Variants in PCDH11X observed in about 807,000 individuals in gnomAD.
PCDH11X encodes the protein protocadherin 11 X-linked, also known as protocadherin-11 X-linked.
Under a neutral mutation model 53.3 loss-of-function variants are expected in PCDH11X, and 18 were observed. The observed-to-expected ratio is 0.34, with a 90% CI of 0.23 to 0.50. The LOEUF is 0.50. Among genes scored for constraint, PCDH11X ranks in the 20% least tolerant of loss-of-function variants. The pLI, the probability that PCDH11X is intolerant of heterozygous loss-of-function variation, is 0.98. For missense variants in PCDH11X, 570 were observed against 1,032.4 expected, an observed-to-expected ratio of 0.55 and a Z score of 6.14; for synonymous variants, 279 against 393.3, an observed-to-expected ratio of 0.71 and a Z score of 3.44.
rs1317748855 is a variant in PCDH11X, at chrX:92,460,636, G to A, written c.3344-7663G>A. The A allele has an allele frequency of 3.5e-6, 3 of 861,232 alleles. No individual in the cohort carries two copies. In the African/African-American group the frequency reaches 6.0e-5, roughly 17 times the overall value. The allele number at this position is 861,232 out of a possible 1,213,427, so 71.0% of individuals were successfully genotyped here. A position where few individuals can be genotyped will look rare whatever the true frequency, so the allele number is the denominator to read the frequency against. On this transcript the variant is annotated intron_variant, in intron 9 of 10. Transcript: ENST00000682573. ...CCAGCTTGGAGAACAACCCGAGGGA[G>A]GTGGAGGCCCGCTACTCCCTACAGA...
rs774392456 is a variant in PCDH11X at position 91,969,688 on chromosome X, T to C, written c.3033+90415T>C. On this transcript the variant is annotated intron_variant, in intron 6 of 10. Coordinates refer to ENST00000682573, the MANE Select transcript of PCDH11X (RefSeq NM_032968.5). ...TGGTATGCTCCTGTGTCCCAACTAC[T>C]CGGGAGCCTGAAGTGGAAGGATCAC... 2.6e-3 allele frequency among the ~76,000 whole-genome samples: 280 copies of C among 107,310 alleles called. 2 individuals are homozygous for C. The highest frequency in any genetic ancestry group is 9.0e-3 in the African/African-American group (264 of 29,287). The allele number at this position is 107,310 out of a possible 115,157, so 93.2% of individuals were successfully genotyped here. A position where few individuals can be genotyped will look rare whatever the true frequency, so the allele number is the denominator to read the frequency against.
At chrX:92,472,228 A>G (rs1411874695) in intron 10 of PCDH11X, among the ~76,000 whole-genome samples, 10 of 109,851 alleles carry the variant, frequency 9.1e-5, no homozygotes, top group Non-Finnish European at 1.5e-4. Flanking sequence ...GGAATTTTAT[A>G]GTTTTGGGTT....
chrX:91,877,851 A>T lies in PCDH11X; in HGVS notation c.1611A>T (p.Leu537Phe), dbSNP rs1939696671. 5 of 1,209,883 alleles carry T rather than the reference A, an allele frequency of 4.1e-6. No homozygotes were observed. Among genetic ancestry groups the T allele is most frequent in the Non-Finnish European group, 4.5e-6 (4 of 895,195 alleles). ...KLDREKEDKY[L>F]FTILAKDNGV... ...ATAGAGAAAAAGAGGATAAATATTT[A>T]TTCACAATTCTGGCAAAAGATAACG... The change falls in exon 6 of 11, where the codon TTA becomes TTT. Residue 537 changes from leucine (L) to phenylalanine (F), a missense_variant. Coordinates refer to ENST00000682573, the MANE Select transcript of PCDH11X (RefSeq NM_032968.5).
At chrX:91,995,882 C>T (rs1469935183) in intron 6 of PCDH11X, among the ~76,000 whole-genome samples, 1 of 103,139 alleles carries the variant, frequency 9.7e-6, no homozygotes, top group Non-Finnish European at 2.0e-5. Context: ...CCGAGTCTCG[C>T]TCTGTCATCC....
At chrX:92,108,625 T>C (rs2064436289) in intron 6 of PCDH11X, among the ~76,000 whole-genome samples, 1 of 112,045 alleles carries the variant, frequency 8.9e-6, no homozygotes, top group Admixed American at 9.5e-5. Context: ...ACTACATGGC[T>C]GGTTTTTGAT....
At chrX:92,491,755 T>C (rs1215392336) in intron 10 of PCDH11X, among the ~76,000 whole-genome samples, 1 of 111,419 alleles carries the variant, frequency 9.0e-6, no homozygotes, top group African/African-American at 3.3e-5. Context: ...TTACGCCTGA[T>C]AACCACTGTT....
intron 6 of PCDH11X, among the ~76,000 whole-genome samples, chrX:91,980,428 AT>A (rs1267215112): frequency 9.4e-6 from 1 of 106,081 alleles, no homozygotes; most frequent in Non-Finnish European, 1.9e-5. Flanking sequence ...TAGGGAAGTA[AT>A]TTCAGCAAGT....
chrX:92,187,812 C>G (rs1179884456), intron 6 of PCDH11X, among the ~76,000 whole-genome samples: 1 of 111,730 alleles, frequency 9.0e-6, no homozygotes, highest in Non-Finnish European at 1.9e-5. Flanking sequence ...TTGCTCTAAA[C>G]CTTGGCTAAT....
At chrX:92,147,471 G>T (rs2065286422) in intron 6 of PCDH11X, among the ~76,000 whole-genome samples, 1 of 111,898 alleles carries the variant, frequency 8.9e-6, no homozygotes, top group Non-Finnish European at 1.9e-5. Flanking sequence ...GCAAAAGTTG[G>T]CAGTACAGTG....
intron 6 of PCDH11X, among the ~76,000 whole-genome samples, chrX:92,105,542 G>C (rs752956211): frequency 1.4e-4 from 15 of 109,530 alleles, no homozygotes; most frequent in Admixed American, 2.0e-4. Flanking sequence ...GAGAGTCAGC[G>C]AAGGGAGATA....
chrX:91,861,714 T>G (rs374605202), intron 5 of PCDH11X, among the ~76,000 whole-genome samples: 1 of 112,082 alleles, frequency 8.9e-6, no homozygotes, highest in East Asian at 2.8e-4. Context: ...CCTGGTGGCA[T>G]AGGCTCACAA....
chrX:92,609,604 T>C, intron 10 of PCDH11X, among the ~76,000 whole-genome samples: 1 of 111,614 alleles, frequency 9.0e-6, no homozygotes, highest in Middle Eastern at 4.6e-3. Context: ...ATTTTCTTAT[T>C]GTTATTTTTT....
intron 6 of PCDH11X, chrX:92,114,001 A>T (rs2064579375): frequency 8.3e-7 from 1 of 1,207,914 alleles, no homozygotes; most frequent in African/African-American, 1.7e-5. Flanking sequence ...ACCCACGATG[A>T]TGTGGGGAGC....
chrX:92,130,556 A>G (rs746850619), intron 6 of PCDH11X, among the ~76,000 whole-genome samples: 166 of 108,042 alleles, frequency 1.5e-3, no homozygotes, highest in African/African-American at 5.4e-3. Flanking sequence ...AGGCTGAGGC[A>G]GGAGAATCGC....
chrX:92,415,351 T>G (rs2148607798), intron 9 of PCDH11X, among the ~76,000 whole-genome samples: 1 of 111,655 alleles, frequency 9.0e-6, no homozygotes, highest in East Asian at 2.8e-4. Context: ...TTAAAATAAC[T>G]TTCAAACAAT....
intron 6 of PCDH11X, among the ~76,000 whole-genome samples, chrX:92,120,111 G>C (rs1215847127): frequency 2.8e-5 from 3 of 106,675 alleles, no homozygotes; most frequent in Non-Finnish European, 5.8e-5. Flanking sequence ...TAGTAAAGTT[G>C]ATGACTTGTA....
chrX:91,977,455 A>G (rs1327177444), intron 6 of PCDH11X, among the ~76,000 whole-genome samples: 1 of 112,032 alleles, frequency 8.9e-6, no homozygotes, highest in East Asian at 2.8e-4. Flanking sequence ...TTGACTTATA[A>G]CTGTACCTAT....
rs1255089462 is a variant in PCDH11X, at chrX:92,260,319, C to T, written c.3115-2795C>T. Among the ~76,000 whole-genome samples, 7 of 111,071 alleles carry T rather than the reference C, an allele frequency of 6.3e-5. No individual in the cohort carries two copies. In the East Asian group the frequency reaches 2.0e-3, roughly 32 times the overall value. ...TGGCTAGGGCTGGTTTAAATGCTCC[C>T]TCTGTGGGAGGGCGTCGGCTGAGTT... On this transcript the variant is annotated intron_variant, in intron 7 of 10. Coordinates refer to ENST00000682573, the MANE Select transcript of PCDH11X (RefSeq NM_032968.5).
intron 6 of PCDH11X, among the ~76,000 whole-genome samples, chrX:91,938,870 T>G (rs2061477175): frequency 9.0e-6 from 1 of 110,852 alleles, no homozygotes; most frequent in East Asian, 2.9e-4. Flanking sequence ...AGAATCAAAC[T>G]TTTGAAGTAA....
Sources: gnomAD v4.1 joint callset for allele counts (sites outside exome capture counted in the v4.1 genomes callset) on GRCh38, gnomAD v4.1.1 for gene constraint, MANE v1.5 for transcripts, NCBI Gene and HGNC (gene_info 2026-07-23, HGNC 2026-07-21) for gene names.